Variants in EML1 observed in about 807,000 individuals in gnomAD.
EML1 encodes the protein EMAP like 1.
In EML1, 27 loss-of-function variants were observed where a neutral mutation model predicts 110.4. The ratio of observed to expected loss-of-function variants is 0.24; its 90% CI spans 0.18 to 0.34. The LOEUF is 0.34. Among genes scored for constraint, EML1 ranks in the 10% least tolerant of loss-of-function variants. The probability of loss-of-function intolerance (pLI) is 1.00; values close to 1 mark genes in which losing one functional copy is unlikely to be tolerated. For synonymous variants in EML1, 344 were observed against 385.8 expected, an observed-to-expected ratio of 0.89 and a Z score of 1.27; for missense variants, 741 against 1,030.9, an observed-to-expected ratio of 0.72 and a Z score of 3.85.
rs1595391612 is a variant in EML1 at position 99,860,278 on chromosome 14, A to T, written c.251-5236A>T. Among the ~76,000 whole-genome samples, 4 of 151,952 alleles carry T rather than the reference A, an allele frequency of 2.6e-5. No individual in the cohort carries two copies. In the South Asian group the frequency reaches 8.3e-4, roughly 32 times the overall value. On this transcript the variant is annotated intron_variant, in intron 2 of 21. Coordinates refer to ENST00000262233, the MANE Select transcript of EML1 (RefSeq NM_004434.3). ...CTAGGAAAAAGTTAATTTTTTTTTT[A>T]AAACAACCCTTTCATGAACCAAAAG...
In EML1 at chr14:99,939,146, G is replaced by A; in HGVS notation, c.2192-51G>A. ...CAGTGGGCGCTTCCTGCGCCATGTG[G>A]CCCTGTGGCCCCTGGTGTTTCCAGC... On this transcript the variant is annotated intron_variant, in intron 20 of 21. Transcript: ENST00000262233. This position sits in a 1 kb window ranked among gnomAD's most constrained non-coding sequence, Gnocchi z 4.2. 6.2e-7 allele frequency: 1 copy of A among 1,603,990 alleles called. No homozygotes were observed. Among genetic ancestry groups the A allele is most frequent in the Non-Finnish European group, 8.5e-7 (1 of 1,174,692 alleles).
Position 99,940,790 on chromosome 14 carries a change from C to T in EML1, c.*678C>T, listed in dbSNP as rs114018059. 2 of 152,364 alleles carry T rather than the reference C, an allele frequency of 1.3e-5. No homozygotes were observed. Among genetic ancestry groups the T allele is most frequent in the African/African-American group, 2.4e-5 (1 of 41,574 alleles). 9.4% of individuals were successfully genotyped at this position (152,364 alleles called of 1,614,324 possible). On this transcript the variant is annotated 3_prime_UTR_variant, in exon 22 of 22. Transcript: ENST00000262233. ...TTTCAGTGACACCGTCCTGCCTAAC[C>T]AGATGCGGTCAGCCTCTTCACACCC...
chr14:99,865,709 A>C, intron 3 of EML1, 63 bp downstream of exon 3: 1 of 1,546,846 alleles, frequency 6.5e-7, no homozygotes, highest in Non-Finnish European at 8.7e-7. Flanking sequence ...TTCCAACATG[A>C]GTATTACTTT....
At chr14:99,758,781 C>G (rs2057284296) in intron 1 of EML1, among the ~76,000 whole-genome samples, 1 of 152,214 alleles carries the variant, frequency 6.6e-6, no homozygotes, top group African/African-American at 2.4e-5. Flanking sequence ...CAACAGAAGG[C>G]TTGCTCACAA....
At chr14:99,871,210 G>A (rs1201744953) in intron 3 of EML1, among the ~76,000 whole-genome samples, 1 of 152,182 alleles carries the variant, frequency 6.6e-6, no homozygotes, top group Non-Finnish European at 1.5e-5. Context: ...GCCCTCCTCG[G>A]CCTCTCAAAG....
intron 1 of EML1, among the ~76,000 whole-genome samples, chr14:99,845,230 T>C (rs566440376): frequency 6.6e-6 from 1 of 152,314 alleles, no homozygotes; most frequent in African/African-American, 2.4e-5. Context: ...TAATATCTCA[T>C]TGTAGTTTTA....
At chr14:99,814,346 G>T (rs150625254) in intron 1 of EML1, among the ~76,000 whole-genome samples, 135 of 152,170 alleles carry the variant, frequency 8.9e-4, no homozygotes, top group African/African-American at 3.1e-3. Context: ...CATGATCCTG[G>T]CTCACTATAA....
intron 3 of EML1, among the ~76,000 whole-genome samples, chr14:99,873,214 A>G (rs2059234390): frequency 6.6e-6 from 1 of 152,238 alleles, no homozygotes; most frequent in South Asian, 2.1e-4. Context: ...AGCTATGTGA[A>G]CAGAGATCAA....
intron 13 of EML1, among the ~76,000 whole-genome samples, chr14:99,913,531 G>A (rs2059981263): frequency 6.6e-6 from 1 of 152,174 alleles, no homozygotes; most frequent in African/African-American, 2.4e-5. Context: ...ATTGTAAAAA[G>A]TAAAGAGAAA....
At chr14:99,867,143 A>G (rs1193859326) in intron 3 of EML1, among the ~76,000 whole-genome samples, 1 of 152,074 alleles carries the variant, frequency 6.6e-6, no homozygotes, top group Non-Finnish European at 1.5e-5. Context: ...TATTTTGTCT[A>G]TACATTCATC....
chr14:99,815,833 G>A (rs7158712), intron 1 of EML1, among the ~76,000 whole-genome samples: 59,684 of 151,522 alleles, frequency 0.39, 12,384 homozygotes, highest in South Asian at 0.57. Flanking sequence ...TGATTCTGTC[G>A]TAGAGATGCT....
In EML1 at chr14:99,885,879, G is replaced by A. The variant is rs545877966; in HGVS notation, c.519-5320G>A. 951 of 455,758 alleles carry A rather than the reference G, an allele frequency of 2.1e-3. 7 individuals are homozygous for A. The highest frequency in any genetic ancestry group is 6.1e-3 in the South Asian group (394 of 64,482). The allele number at this position is 455,758 out of a possible 1,614,324, so 28.2% of individuals were successfully genotyped here. ...GTTGTATTCCCATTTTTAGATTAAG[G>A]AGGTTAAGCTGGTGGAGGTGAAGCC... On this transcript the variant is annotated intron_variant, in intron 4 of 21. Coordinates refer to ENST00000262233, the MANE Select transcript of EML1 (RefSeq NM_004434.3).
At chr14:99,873,807 G>A (rs2059244249) in intron 3 of EML1, among the ~76,000 whole-genome samples, 1 of 152,228 alleles carries the variant, frequency 6.6e-6, no homozygotes, top group South Asian at 2.1e-4. Context: ...CAGTCTGTCA[G>A]AATTATCTCC....
chr14:99,816,983 CA>C (rs1199545629), intron 1 of EML1, among the ~76,000 whole-genome samples: 1 of 152,194 alleles, frequency 6.6e-6, no homozygotes, highest in Non-Finnish European at 1.5e-5. Context: ...TTTCATTATA[CA>C]ATATCAAAAA....
intron 1 of EML1, among the ~76,000 whole-genome samples, chr14:99,744,005 A>G (rs1451495658): frequency 6.6e-6 from 1 of 152,216 alleles, no homozygotes; most frequent in Non-Finnish European, 1.5e-5. Flanking sequence ...CACAGTCAAA[A>G]TAAAATATAG....
intron 1 of EML1, among the ~76,000 whole-genome samples, chr14:99,813,576 G>A (rs1439753200): frequency 2.0e-5 from 3 of 152,070 alleles, no homozygotes; most frequent in Non-Finnish European, 4.4e-5. Context: ...TTGTGGTGGC[G>A]TGTGCCTGTA....
At chr14:99,782,950 T>G (rs1236336461) in intron 1 of EML1, among the ~76,000 whole-genome samples, 1 of 152,096 alleles carries the variant, frequency 6.6e-6, no homozygotes, top group Non-Finnish European at 1.5e-5. Flanking sequence ...TAGACAATCT[T>G]CTTTCAATGC....
intron 4 of EML1, among the ~76,000 whole-genome samples, chr14:99,889,041 A>G (rs1396102415): frequency 2.6e-5 from 4 of 152,188 alleles, no homozygotes; most frequent in Non-Finnish European, 5.9e-5. Flanking sequence ...AGGCAGAGGC[A>G]TGCCAGGAGG....
chr14:99,780,724 G>A (rs2057530761), intron 1 of EML1, among the ~76,000 whole-genome samples: 1 of 152,084 alleles, frequency 6.6e-6, no homozygotes, highest in African/African-American at 2.4e-5. Flanking sequence ...CCTTTTCTCT[G>A]TTTAGAGATG....
Sources: gnomAD v4.1 joint callset for allele counts (sites outside exome capture counted in the v4.1 genomes callset) on GRCh38, gnomAD v4.1.1 for gene constraint, Gnocchi (gnomAD v3.1) non-coding constraint, MANE v1.5 for transcripts, NCBI Gene and HGNC (gene_info 2026-07-23, HGNC 2026-07-21) for gene names.